The following RGS21 variants were observed in gnomAD, a reference collection of about 807,000 sequenced individuals.
RGS21 encodes the protein regulator of G protein signaling 21.
In RGS21, 19 loss-of-function variants were observed where a neutral mutation model predicts 18.7. The ratio of observed to expected loss-of-function variants is 1.01; its 90% confidence interval spans 0.71 to 1.49. RGS21 has a LOEUF of 1.49. Among genes scored for constraint, RGS21 ranks in the 40% most tolerant of loss-of-function variants. The probability of loss-of-function intolerance (pLI) is 0.00; values close to 1 mark genes in which losing one functional copy is unlikely to be tolerated. For missense variants in RGS21, 194 were observed against 176.8 expected (o/e 1.10, Z -0.55); for synonymous variants, 56 against 57.8 (o/e 0.97, Z 0.14).
chr1:192,347,408 T>C lies in RGS21; in HGVS notation c.88+19T>C. ...AACCAAGGTAAGATTTAACTAATAATAGGCTTAAAATACAATAATTAAATA... is the reference window on the plus strand; with the variant it reads ...AACCAAGGTAAGATTTAACTAATAACAGGCTTAAAATACAATAATTAAATA... On this transcript the variant is annotated intron_variant, in intron 3 of 4. Coordinates refer to ENST00000417209, the MANE Select transcript of RGS21 (RefSeq NM_001039152.3). 2 of 1,204,548 alleles carry C rather than the reference T, an allele frequency of 1.7e-6. No homozygotes were observed. Among genetic ancestry groups the C allele is most frequent in the South Asian group, 2.5e-5 (2 of 80,156 alleles). The allele number at this position is 1,204,548 out of a possible 1,614,324, so 74.6% of individuals were successfully genotyped here. A position where few individuals can be genotyped will look rare whatever the true frequency, so the allele number is the denominator to read the frequency against.
chr1:192,348,543 G>A (rs1003462304), intron 3 of RGS21, among the ~76,000 whole-genome samples: 14 of 152,174 alleles, frequency 9.2e-5, no homozygotes, highest in Admixed American at 6.5e-4. Flanking sequence ...ATATGTATAT[G>A]TGTGAATATG....
At chr1:192,347,906 C>A (rs1009240808) in intron 3 of RGS21, among the ~76,000 whole-genome samples, 1 of 151,902 alleles carries the variant, frequency 6.6e-6, no homozygotes, top group Non-Finnish European at 1.5e-5. Flanking sequence ...GTGATCCACC[C>A]ACCTCAGCAT....
At chr1:192,322,273 T>C (rs1330168463) in intron 1 of RGS21, among the ~76,000 whole-genome samples, 1 of 151,984 alleles carries the variant, frequency 6.6e-6, no homozygotes, top group Non-Finnish European at 1.5e-5. Context: ...AAAAAAATCC[T>C]ATCATGGAAA....
intron 1 of RGS21, among the ~76,000 whole-genome samples, chr1:192,338,953 T>C (rs1054135784): frequency 5.9e-5 from 9 of 152,080 alleles, no homozygotes; most frequent in Non-Finnish European, 1.2e-4. Context: ...GCTTTAGCCC[T>C]TCCCCTTTCT....
At chr1:192,362,117 T>A (rs868626625) in intron 4 of RGS21, among the ~76,000 whole-genome samples, 1 of 152,094 alleles carries the variant, frequency 6.6e-6, no homozygotes, top group East Asian at 1.9e-4. Flanking sequence ...TAGAAGTTGA[T>A]TTCAAAATAA....
chr1:192,353,955 G>A (rs7534108), intron 4 of RGS21, among the ~76,000 whole-genome samples: 48,228 of 150,836 alleles, frequency 0.32, 9,034 homozygotes, highest in African/African-American at 0.52. Flanking sequence ...GTATAAATAT[G>A]TATACCCCAT....
chr1:192,352,926 T>C (rs1458660528), intron 4 of RGS21, among the ~76,000 whole-genome samples: 2 of 152,062 alleles, frequency 1.3e-5, no homozygotes, highest in African/African-American at 4.8e-5. Flanking sequence ...GTTTAAGCAA[T>C]TTACATTTGT....
Position 192,366,186 on chromosome 1 carries a change from T to C in RGS21, c.*62T>C, listed in dbSNP as rs1220100853. On this transcript the variant is annotated 3_prime_UTR_variant, in exon 5 of 5. Transcript: ENST00000417209. The stretch of plus-strand genomic sequence containing the variant: ...CTACAATATTTTAAATATACAAGCA[T>C]GATGCATTGTCTTTTGTTTTGTTTT... 2 of 950,616 alleles carry C rather than the reference T, an allele frequency of 2.1e-6. No individual in the cohort carries two copies. The highest frequency in any genetic ancestry group is 4.4e-5 in the Admixed American group (2 of 45,894). 58.9% of individuals were successfully genotyped at this position (950,616 alleles called of 1,614,324 possible).
At chr1:192,343,121 G>C in intron 2 of RGS21, 74 bp downstream of exon 2, 1 of 1,353,360 alleles carries the variant, frequency 7.4e-7, no homozygotes, top group Non-Finnish European at 1.1e-6. Flanking sequence ...TTTTAGTCTC[G>C]ATGTTTTATT....
intron 4 of RGS21, among the ~76,000 whole-genome samples, chr1:192,363,697 C>A (rs1659218396): frequency 6.6e-6 from 1 of 152,274 alleles, no homozygotes; most frequent in Middle Eastern, 3.4e-3. Context: ...ATAAACTCTA[C>A]AAGACCTGGC....
At chr1:192,321,148 A>G (rs1280381718) in intron 1 of RGS21, among the ~76,000 whole-genome samples, 1 of 152,006 alleles carries the variant, frequency 6.6e-6, no homozygotes, top group Non-Finnish European at 1.5e-5. Flanking sequence ...AATAAAATTA[A>G]GTCAATATTC....
intron 1 of RGS21, among the ~76,000 whole-genome samples, chr1:192,338,482 C>T (rs1658804236): frequency 6.6e-6 from 1 of 151,962 alleles, no homozygotes. Context: ...ACGATCAGTG[C>T]GATTTTGTGG....
At chr1:192,365,291 AG>A (rs1308708382) in intron 4 of RGS21, among the ~76,000 whole-genome samples, 1 of 152,156 alleles carries the variant, frequency 6.6e-6, no homozygotes, top group Non-Finnish European at 1.5e-5. Flanking sequence ...ACATATTTGC[AG>A]GTGAATGGTG....
At chr1:192,336,808 A>T (rs1260453255) in intron 1 of RGS21, among the ~76,000 whole-genome samples, 2 of 152,178 alleles carry the variant, frequency 1.3e-5, no homozygotes, top group Non-Finnish European at 2.9e-5. Context: ...CAAACTGACC[A>T]TGCCGGGGGA....
At chr1:192,356,761 G>A (rs1327954359) in intron 4 of RGS21, among the ~76,000 whole-genome samples, 1 of 151,554 alleles carries the variant, frequency 6.6e-6, no homozygotes, top group Admixed American at 6.6e-5. Flanking sequence ...TTTTTTCTTT[G>A]CATTTTTAAA....
At chr1:192,364,593 G>A (rs1161819850) in intron 4 of RGS21, among the ~76,000 whole-genome samples, 2 of 152,030 alleles carry the variant, frequency 1.3e-5, no homozygotes, top group African/African-American at 4.8e-5. Flanking sequence ...TTTGATTGCA[G>A]GTGTCTGTGC....
chr1:192,326,620 A>T (rs910075233), intron 1 of RGS21, among the ~76,000 whole-genome samples: 6 of 152,168 alleles, frequency 3.9e-5, no homozygotes, highest in African/African-American at 1.4e-4. Flanking sequence ...GGCAAAGTGA[A>T]ATACAATTTT....
chr1:192,320,451 ACT>A (rs1553238381), intron 1 of RGS21, among the ~76,000 whole-genome samples: 1 of 151,500 alleles, frequency 6.6e-6, no homozygotes, highest in Non-Finnish European at 1.5e-5. Flanking sequence ...TACAGTAGAA[ACT>A]CAATAAATGC....
At chr1:192,341,780 T>A (rs1571455897) in intron 1 of RGS21, among the ~76,000 whole-genome samples, 1 of 139,516 alleles carries the variant, frequency 7.2e-6, no homozygotes, top group South Asian at 2.3e-4. Context: ...TTTTTTTTTT[T>A]AACCAAGAGG....
Sources: allele counts gnomAD v4.1 joint callset (sites outside exome capture counted in the v4.1 genomes callset), GRCh38; gene constraint gnomAD v4.1.1; transcripts MANE v1.5; gene names NCBI Gene and HGNC (gene_info 2026-07-23, HGNC 2026-07-21).